NLN: variants seen among roughly 807,000 people sequenced by gnomAD.
NLN encodes the protein neurolysin, also known as neurolysin, mitochondrial.
NLN carries 64 observed loss-of-function variants against 79.9 expected under a neutral mutation model. The ratio of observed to expected loss-of-function variants is 0.80; its 90% confidence interval spans 0.65 to 0.99. NLN has a LOEUF of 0.99. Among genes scored for constraint, NLN ranks in the 50% least tolerant of loss-of-function variants. The pLI is 0.00. For synonymous variants in NLN, 267 were observed against 296.6 expected (o/e 0.90, Z 1.02); for missense variants, 835 against 858.7 (o/e 0.97, Z 0.34).
intron 9 of NLN, among the ~76,000 whole-genome samples, chr5:65,798,373 A>G (rs1381850338): frequency 2.0e-5 from 3 of 152,210 alleles, no homozygotes; most frequent in Non-Finnish European, 4.4e-5. Flanking sequence ...AGACAATACT[A>G]TTATTCATGG....
At chr5:65,786,956 C>T (rs563367979) in intron 7 of NLN, among the ~76,000 whole-genome samples, 1 of 152,158 alleles carries the variant, frequency 6.6e-6, no homozygotes, top group African/African-American at 2.4e-5. Flanking sequence ...CAGGTAATTA[C>T]TCTACAGTCT....
At chr5:65,734,563 C>G (rs1186109577) in intron 1 of NLN, among the ~76,000 whole-genome samples, 1 of 151,838 alleles carries the variant, frequency 6.6e-6, no homozygotes, top group Admixed American at 6.6e-5. Context: ...AAGAAAGACT[C>G]TGCCCATTCT....
intron 12 of NLN, among the ~76,000 whole-genome samples, chr5:65,817,417 T>C (rs1760692533): frequency 6.6e-6 from 1 of 152,214 alleles, no homozygotes; most frequent in East Asian, 1.9e-4. Flanking sequence ...TCAAAGGTCT[T>C]TAAGGTCACC....
At chr5:65,786,846 A>G (rs2150760623) in intron 7 of NLN, among the ~76,000 whole-genome samples, 1 of 152,328 alleles carries the variant, frequency 6.6e-6, no homozygotes, top group Middle Eastern at 3.4e-3. Context: ...TGGGTGACAG[A>G]GCAAAATCCT....
At chr5:65,780,820 T>C (rs552777593) in intron 5 of NLN, among the ~76,000 whole-genome samples, 1 of 152,282 alleles carries the variant, frequency 6.6e-6, no homozygotes, top group South Asian at 2.1e-4. Context: ...ACTACAGGCA[T>C]GTGCCACCAC....
chr5:65,818,007 A>C (rs1383676672), intron 12 of NLN, among the ~76,000 whole-genome samples: 1 of 152,188 alleles, frequency 6.6e-6, no homozygotes, highest in Non-Finnish European at 1.5e-5. Context: ...TTTTTCTTAT[A>C]ACTGAACCTT....
At chr5:65,796,970 T>C (rs539614296) in intron 9 of NLN, among the ~76,000 whole-genome samples, 16 of 152,376 alleles carry the variant, frequency 1.1e-4, no homozygotes, top group African/African-American at 3.8e-4. Flanking sequence ...TTAAACATGT[T>C]GGCAAGAACA....
At chr5:65,751,805 T>G (rs753026022) in intron 1 of NLN, among the ~76,000 whole-genome samples, 1 of 152,230 alleles carries the variant, frequency 6.6e-6, no homozygotes, top group Non-Finnish European at 1.5e-5. Context: ...CTGTCAAAAT[T>G]TATCCAGCTT....
intron 4 of NLN, among the ~76,000 whole-genome samples, 167 bp downstream of exon 4, chr5:65,777,701 T>C (rs1051889550): frequency 6.6e-6 from 1 of 152,146 alleles, no homozygotes; most frequent in Non-Finnish European, 1.5e-5. Flanking sequence ...TCAGGTTTTG[T>C]GGGTTAGGCG....
rs1408789687 is a variant in NLN, at chr5:65,827,331, A to G, written c.*4416A>G. 1.3e-5 allele frequency: 2 copies of G among 151,684 alleles called. No individual in the cohort carries two copies. Among genetic ancestry groups the G allele is most frequent in the Admixed American group, 1.3e-4 (2 of 15,228 alleles). 9.4% of individuals were successfully genotyped at this position (151,684 alleles called of 1,614,324 possible). Reference sequence around the variant, plus strand: ...AGGGGAAGGGGTGAACAGGAAATAGACTCCCTTATTCTGCTCACATGAGCT... The same window carrying G: ...AGGGGAAGGGGTGAACAGGAAATAGGCTCCCTTATTCTGCTCACATGAGCT... On this transcript the variant is annotated 3_prime_UTR_variant, in exon 13 of 13. Coordinates refer to ENST00000380985, the MANE Select transcript of NLN (RefSeq NM_020726.5).
intron 1 of NLN, among the ~76,000 whole-genome samples, chr5:65,735,135 T>A (rs1758703586): frequency 6.6e-6 from 1 of 152,142 alleles, no homozygotes; most frequent in African/African-American, 2.4e-5. Flanking sequence ...TATAAGGGGC[T>A]TTTTCCTCTT....
intron 9 of NLN, among the ~76,000 whole-genome samples, chr5:65,805,342 T>C (rs990545553): frequency 3.3e-5 from 5 of 152,186 alleles, no homozygotes; most frequent in African/African-American, 1.2e-4. Context: ...TGTCAAAAGA[T>C]GAGATAGGCC....
chr5:65,768,509 A>G (rs987812333), intron 3 of NLN, among the ~76,000 whole-genome samples: 1 of 152,244 alleles, frequency 6.6e-6, no homozygotes, highest in African/African-American at 2.4e-5. Flanking sequence ...TCAGATTACA[A>G]TTCAAGATGA....
intron 3 of NLN, 44 bp from the exon 4 acceptor site, chr5:65,777,383 T>C: frequency 8.2e-7 from 1 of 1,216,838 alleles, no homozygotes; most frequent in Non-Finnish European, 1.2e-6. Flanking sequence ...AATTTACCTG[T>C]GCACTGTTTC....
intron 9 of NLN, chr5:65,808,995 C>T (rs1045822350): frequency 6.6e-6 from 1 of 152,244 alleles, no homozygotes; most frequent in African/African-American, 2.4e-5. Context: ...TGGTTAAGAC[C>T]TAAGTAGTTA....
At chr5:65,740,257 A>G (rs916601932) in intron 1 of NLN, among the ~76,000 whole-genome samples, 3 of 152,180 alleles carry the variant, frequency 2.0e-5, no homozygotes, top group South Asian at 4.1e-4. Context: ...GTGTCATAAC[A>G]TGGTGGAGGA....
chr5:65,745,113 G>T (rs975574066), intron 1 of NLN, among the ~76,000 whole-genome samples: 1 of 152,106 alleles, frequency 6.6e-6, no homozygotes, highest in South Asian at 2.1e-4. Context: ...TTGAGAACAG[G>T]TGACTAAAAA....
chr5:65,792,736 T>TA (rs1181873461), intron 9 of NLN, 81 bp downstream of exon 9: 2 of 1,187,454 alleles, frequency 1.7e-6, no homozygotes, highest in South Asian at 2.4e-5. Flanking sequence ...TTTCTGCTCC[T>TA]AACAGGTTTT....
intron 1 of NLN, among the ~76,000 whole-genome samples, chr5:65,751,718 G>A (rs936283388): frequency 1.6e-4 from 25 of 152,256 alleles, no homozygotes; most frequent in African/African-American, 5.8e-4. Context: ...TTTTACAAAA[G>A]TCTCAAGGCA....
Sources: allele counts gnomAD v4.1 joint callset (sites outside exome capture counted in the v4.1 genomes callset), GRCh38; gene constraint gnomAD v4.1.1; transcripts MANE v1.5; gene names NCBI Gene and HGNC (gene_info 2026-07-23, HGNC 2026-07-21).